DSE: variants seen among roughly 807,000 people sequenced by gnomAD.
The protein encoded by DSE is dermatan sulfate epimerase, also known as dermatan-sulfate epimerase.
DSE carries 36 observed loss-of-function variants against 84.4 expected under a neutral mutation model. The ratio of observed to expected loss-of-function variants is 0.43; its 90% CI spans 0.33 to 0.56. The LOEUF is 0.56. DSE is among the 20% of genes least tolerant of loss of function. The pLI is 0.06. For synonymous variants in DSE, 410 were observed against 430.1 expected (o/e 0.95, Z 0.58); for missense variants, 862 against 1,169.6 (o/e 0.74, Z 3.84).
At chr6:116,360,946 A>G (rs976065562) in intron 2 of DSE, among the ~76,000 whole-genome samples, 1 of 152,182 alleles carries the variant, frequency 6.6e-6, no homozygotes, top group Admixed American at 6.5e-5. Context: ...TTAAGATGCC[A>G]TTTTTTACAG....
At chr6:116,322,505 T>C (rs942481023) in intron 2 of DSE, among the ~76,000 whole-genome samples, 2 of 152,102 alleles carry the variant, frequency 1.3e-5, no homozygotes, top group Non-Finnish European at 2.9e-5. Flanking sequence ...ACTGAGTCTT[T>C]AGACAAACCT....
chr6:116,256,696 G>A (rs1206333159), intron 1 of DSE: 1 of 152,104 alleles, frequency 6.6e-6, no homozygotes, highest in Non-Finnish European at 1.5e-5. Context: ...GATTATTTAA[G>A]TGAAAATTTA....
At chr6:116,279,858 C>A in intron 2 of DSE, 2 of 1,613,002 alleles carry the variant, frequency 1.2e-6, no homozygotes, top group Non-Finnish European at 1.7e-6. Flanking sequence ...CAACCGCAGG[C>A]GAACGCCCGT....
chr6:116,278,441 C>T (rs1773269515), intron 2 of DSE: 1 of 1,593,920 alleles, frequency 6.3e-7, no homozygotes, highest in Non-Finnish European at 8.6e-7. Flanking sequence ...AAGGCATACT[C>T]ATTGCTGATG....
intron 3 of DSE, 109 bp from the exon 4 acceptor site, chr6:116,430,845 A>G: frequency 6.9e-7 from 1 of 1,458,714 alleles, no homozygotes; most frequent in Non-Finnish European, 9.2e-7. Context: ...ACAAAACGCG[A>G]TTTGTAATAT....
At chr6:116,279,051 C>G (rs1340661935) in intron 2 of DSE, 1 of 1,613,298 alleles carries the variant, frequency 6.2e-7, no homozygotes, top group Non-Finnish European at 8.5e-7. Context: ...AGTGTCGACG[C>G]ATCCGCCCAA....
chr6:116,389,871 TA>T (rs1361757682), intron 1 of DSE, among the ~76,000 whole-genome samples: 6 of 152,084 alleles, frequency 3.9e-5, no homozygotes, highest in Admixed American at 2.0e-4. Context: ...CCAAGTTCAA[TA>T]GGTTAAATAA....
intron 1 of DSE, among the ~76,000 whole-genome samples, chr6:116,386,644 C>T (rs1453793555): frequency 6.6e-6 from 1 of 152,180 alleles, no homozygotes; most frequent in Non-Finnish European, 1.5e-5. Flanking sequence ...ACTCAGACTC[C>T]AGCCTCTCCA....
intron 2 of DSE, among the ~76,000 whole-genome samples, chr6:116,423,650 C>G (rs1467163618): frequency 2.0e-5 from 3 of 152,174 alleles, no homozygotes; most frequent in Admixed American, 6.5e-5. Context: ...TATTACTGGT[C>G]AGGATCACAT....
chr6:116,397,630 C>G (rs1344563414), intron 1 of DSE, among the ~76,000 whole-genome samples: 2 of 152,204 alleles, frequency 1.3e-5, no homozygotes, highest in African/African-American at 4.8e-5. Flanking sequence ...CCACAGAAGA[C>G]TATTTCTTTT....
rs188726728 is a variant in DSE, at chr6:116,418,285, C to G, written c.417-8289C>G. ...GGTATTGGAAACTTGTTAGTGTTTACTCTTCATGGAATGAGGTTGAGGCCT... is the reference window on the plus strand; with the variant it reads ...GGTATTGGAAACTTGTTAGTGTTTAGTCTTCATGGAATGAGGTTGAGGCCT... On this transcript the variant is annotated intron_variant, in intron 2 of 5. Transcript: ENST00000644252. Among the ~76,000 whole-genome samples the G allele has an allele frequency of 6.6e-5, 10 of 152,262 alleles. No individual in the cohort carries two copies. In the East Asian group the frequency reaches 1.5e-3, roughly 24 times the overall value.
chr6:116,279,608 C>T (rs936290245), intron 2 of DSE: 1 of 1,602,460 alleles, frequency 6.2e-7, no homozygotes, highest in Non-Finnish European at 8.5e-7. Flanking sequence ...CCACGGCCCG[C>T]GGCATCCTGG....
chr6:116,400,814 A>T (rs978251373), intron 2 of DSE: 15 of 152,278 alleles, frequency 9.9e-5, no homozygotes, highest in Admixed American at 7.8e-4. Flanking sequence ...TATTCTTGAC[A>T]CCAAGAAAGA....
At chr6:116,417,520 G>A (rs1391846524) in intron 2 of DSE, among the ~76,000 whole-genome samples, 1 of 151,868 alleles carries the variant, frequency 6.6e-6, no homozygotes, top group Non-Finnish European at 1.5e-5. Context: ...CTTGAGTGGG[G>A]CCAAGTTGAC....
chr6:116,430,566 G>A (rs1002146786), intron 3 of DSE, among the ~76,000 whole-genome samples: 35 of 151,748 alleles, frequency 2.3e-4, no homozygotes, highest in Admixed American at 2.0e-3. Context: ...TTTTGAGACG[G>A]AGTCTCGCTT....
chr6:116,345,978 A>G (rs577715616), intron 2 of DSE, among the ~76,000 whole-genome samples: 97 of 152,364 alleles, frequency 6.4e-4, no homozygotes, highest in Non-Finnish European at 1.1e-3. Context: ...CCATCAGAGA[A>G]TACTACAAAC....
chr6:116,312,839 T>G (rs1383517163), intron 2 of DSE, among the ~76,000 whole-genome samples: 4 of 152,076 alleles, frequency 2.6e-5, no homozygotes, highest in Non-Finnish European at 5.9e-5. Context: ...GAGATAAGAC[T>G]GCCAAGTCCC....
chr6:116,416,349 CTGTGTGTGTGTGTGTGTGTGTGTGTGTG>C (rs59237926), intron 2 of DSE, among the ~76,000 whole-genome samples: 3 of 134,042 alleles, frequency 2.2e-5, no homozygotes, highest in Admixed American at 7.5e-5. Flanking sequence ...CTAATTGCCA[CTGTGTGTGTGTGTGTGTGTGTGTGTGTG>C]TGTGTGTGTG....
rs1005316451 is a variant in DSE, at chr6:116,439,855, T to G, written c.*2510T>G. ...TTCCTGGGAAGCTGAGGTGGGAGTATTGCCTGAGCTTAGGAGTTCTGTGCT... is the reference window on the plus strand; with the variant it reads ...TTCCTGGGAAGCTGAGGTGGGAGTAGTGCCTGAGCTTAGGAGTTCTGTGCT... On this transcript the variant is annotated 3_prime_UTR_variant, in exon 6 of 6. Coordinates refer to ENST00000644252, the MANE Select transcript of DSE (RefSeq NM_013352.4). 1 of 152,202 alleles carries G rather than the reference T, an allele frequency of 6.6e-6. No homozygotes were observed. The highest frequency in any genetic ancestry group is 2.4e-5 in the African/African-American group (1 of 41,444). 9.4% of individuals were successfully genotyped at this position (152,202 alleles called of 1,614,324 possible). A position where few individuals can be genotyped will look rare whatever the true frequency, so the allele number is the denominator to read the frequency against.
Sources: gnomAD v4.1 joint callset for allele counts (sites outside exome capture counted in the v4.1 genomes callset) on GRCh38, gnomAD v4.1.1 for gene constraint, MANE v1.5 for transcripts, NCBI Gene and HGNC (gene_info 2026-07-23, HGNC 2026-07-21) for gene names.